Variants in AGMO observed in about 807,000 individuals in gnomAD.
The protein encoded by AGMO is glyceryl-ether monooxygenase.
A neutral mutation model predicts 60.2 loss-of-function variants in AGMO; 75 were observed. The ratio of observed to expected loss-of-function variants is 1.25; its 90% CI spans 1.03 to 1.51. The LOEUF is 1.51. Ranked by LOEUF, AGMO falls within the 40% of genes most tolerant of loss-of-function variation. AGMO has a pLI of 0.00. For missense variants in AGMO, 763 were observed against 525.5 expected (o/e 1.45, Z -4.42); for synonymous variants, 261 against 177.1 (o/e 1.47, Z -3.76).
chr7:15,362,125 G>A (rs1782792675), intron 12 of AGMO, among the ~76,000 whole-genome samples: 1 of 152,098 alleles, frequency 6.6e-6, no homozygotes, highest in South Asian at 2.1e-4. Flanking sequence ...TATACTTATT[G>A]TTTGAAGAAC....
chr7:15,376,194 TC>T (rs113363143), intron 10 of AGMO, among the ~76,000 whole-genome samples: 2 of 151,894 alleles, frequency 1.3e-5, no homozygotes, highest in Non-Finnish European at 1.5e-5. Context: ...TCCTTTTTTT[TC>T]CCCCACATTA....
At chr7:15,222,874 G>T (rs4266539) in intron 12 of AGMO, among the ~76,000 whole-genome samples, 49,677 of 151,606 alleles carry the variant, frequency 0.33, 12,250 homozygotes, top group African/African-American at 0.7. Flanking sequence ...CCCAACATGC[G>T]TAACAAAAAT....
chr7:15,482,397 A>G (rs1414731560), intron 3 of AGMO, among the ~76,000 whole-genome samples: 1 of 152,170 alleles, frequency 6.6e-6, no homozygotes, highest in Non-Finnish European at 1.5e-5. Context: ...ATATATTTGA[A>G]AACTTTAGTA....
intron 12 of AGMO, among the ~76,000 whole-genome samples, chr7:15,228,722 T>C (rs1215098145): frequency 6.6e-6 from 1 of 152,164 alleles, no homozygotes; most frequent in Non-Finnish European, 1.5e-5. Context: ...CCATAGTAGT[T>C]ATCTGCCAAA....
intron 5 of AGMO, among the ~76,000 whole-genome samples, chr7:15,416,000 T>C (rs987114523): frequency 2.0e-5 from 3 of 151,562 alleles, no homozygotes; most frequent in Non-Finnish European, 4.4e-5. Context: ...CAATAGACCT[T>C]GTTGTTTGTT....
At chr7:15,357,923 A>G (rs1209432269) in intron 12 of AGMO, among the ~76,000 whole-genome samples, 1 of 152,194 alleles carries the variant, frequency 6.6e-6, no homozygotes, top group Admixed American at 6.5e-5. Context: ...GGAAGCCTGA[A>G]TTTTACCAAA....
intron 3 of AGMO, among the ~76,000 whole-genome samples, chr7:15,511,850 A>C (rs1783682192): frequency 6.6e-6 from 1 of 152,202 alleles, no homozygotes; most frequent in African/African-American, 2.4e-5. Context: ...CCACATGTAT[A>C]GAACAAAGAC....
chr7:15,276,624 T>C (rs571149210), intron 12 of AGMO, among the ~76,000 whole-genome samples: 1 of 152,188 alleles, frequency 6.6e-6, no homozygotes, highest in African/African-American at 2.4e-5. Context: ...TTCACTCAAA[T>C]GTGTTTTTCA....
At chr7:15,453,616 C>T (rs1283033546) in intron 3 of AGMO, among the ~76,000 whole-genome samples, 6 of 152,170 alleles carry the variant, frequency 3.9e-5, no homozygotes, top group African/African-American at 1.2e-4. Context: ...GGTAAAAAAA[C>T]TTATTTCAGG....
chr7:15,431,070 T>A lies in AGMO; in HGVS notation c.448A>T (p.Ser150Cys), dbSNP rs1458226875. Residue 150 changes from serine (S) to cysteine (C), a missense_variant, in exon 4 of 13, where the codon AGT becomes TGT. Physicochemically the swap from Ser to Cys is moderately radical, Grantham distance 112 (BLOSUM62 -1). Coordinates refer to ENST00000342526, the MANE Select transcript of AGMO (RefSeq NM_001004320.2). ...IMWAGHQTHH[S>C]SEDYNLSTAL... ...GTGGATAAGTTATAGTCTTCAGAAC[T>A]ATGATGTGTTTGGTGTCCGGCCCAC... The A allele has an allele frequency of 1.2e-6, 2 of 1,611,544 alleles. No homozygotes were observed. Among genetic ancestry groups the A allele is most frequent in the Non-Finnish European group, 1.7e-6 (2 of 1,178,324 alleles).
At chr7:15,155,179 C>A in the AGMO span, among the ~76,000 whole-genome samples, 1 of 152,046 alleles carries the variant, frequency 6.6e-6, no homozygotes, top group Non-Finnish European at 1.5e-5. Flanking sequence ...TGGACAGTAT[C>A]CTCAAATATG....
chr7:15,492,871 C>G (rs1177232404), intron 3 of AGMO, among the ~76,000 whole-genome samples: 1 of 152,108 alleles, frequency 6.6e-6, no homozygotes, highest in African/African-American at 2.4e-5. Context: ...GTTGGGTTAT[C>G]TTACCAGCCC....
At position 15,322,551 on chromosome 7, in the gene AGMO, TATATAA is replaced by T. The variant is rs1477799987; in HGVS notation, c.1263+42957_1263+42962del. Among the ~76,000 whole-genome samples the T allele has an allele frequency of 3.0e-3, 183 of 61,256 alleles. 11 individuals are homozygous for T. Among genetic ancestry groups the T allele is most frequent in the African/African-American group, 5.9e-3 (72 of 12,292 alleles). 40.2% of individuals were successfully genotyped at this position (61,256 alleles called of 152,430 possible). On this transcript the variant is annotated intron_variant, in intron 12 of 12. Transcript: ENST00000342526. ...AAATATATAAATATATATATAAATA[TATATAA>T]ATATATAAATATATATAAATATATA...
At chr7:15,238,104 T>C (rs1243093032) in intron 12 of AGMO, among the ~76,000 whole-genome samples, 2 of 151,894 alleles carry the variant, frequency 1.3e-5, no homozygotes, top group African/African-American at 2.4e-5. Flanking sequence ...CACTTGCTTT[T>C]TGTTCCATTG....
chr7:15,342,236 A>T (rs557889375), intron 12 of AGMO, among the ~76,000 whole-genome samples: 2 of 149,178 alleles, frequency 1.3e-5, no homozygotes, highest in African/African-American at 4.9e-5. Flanking sequence ...AGAGATTGGG[A>T]AGAAAAGAAG....
intron 3 of AGMO, among the ~76,000 whole-genome samples, chr7:15,494,744 T>C (rs995359006): frequency 6.6e-6 from 1 of 152,226 alleles, no homozygotes; most frequent in African/African-American, 2.4e-5. Flanking sequence ...GATCTTGACT[T>C]GAGTGCTCCA....
At chr7:15,508,088 A>C (rs1334221901) in intron 3 of AGMO, among the ~76,000 whole-genome samples, 2 of 152,164 alleles carry the variant, frequency 1.3e-5, no homozygotes, top group East Asian at 3.9e-4. Context: ...AATAGCACCA[A>C]AAGGGAGTTT....
intron 12 of AGMO, among the ~76,000 whole-genome samples, chr7:15,208,351 G>T (rs550821162): frequency 2.0e-5 from 3 of 152,304 alleles, no homozygotes; most frequent in Admixed American, 2.0e-4. Context: ...CTTAGTAAAG[G>T]TGTACTTTAG....
At chr7:15,200,187 A>T (rs1781238979), downstream of AGMO, 1 of 102,720 alleles carries the variant, frequency 9.7e-6, no homozygotes, top group Non-Finnish European at 1.8e-5. Flanking sequence ...GATAAATGAA[A>T]AATAAAGATT....
Sources: allele counts gnomAD v4.1 joint callset (sites outside exome capture counted in the v4.1 genomes callset), GRCh38; gene constraint gnomAD v4.1.1; transcripts MANE v1.5; gene names NCBI Gene and HGNC (gene_info 2026-07-23, HGNC 2026-07-21).